The following SLC25A26 variants were observed in gnomAD, a reference collection of about 807,000 sequenced individuals.
The protein encoded by SLC25A26 is mitochondrial S-adenosylmethionine carrier protein.
In SLC25A26, 36 loss-of-function variants were observed where a neutral mutation model predicts 37.8. The ratio of observed to expected loss-of-function variants is 0.95; its 90% CI spans 0.73 to 1.26. The LOEUF (loss-of-function observed/expected upper bound fraction) is 1.26, where lower values mean the gene tolerates loss of function less well. Among genes scored for constraint, SLC25A26 ranks in the 50% most tolerant of loss-of-function variants. The pLI is 0.00. For missense variants in SLC25A26, 390 were observed against 331.1 expected, an observed-to-expected ratio of 1.18 and a Z score of -1.38; for synonymous variants, 129 against 122.5, an observed-to-expected ratio of 1.05 and a Z score of -0.35.
At chr3:66,242,739 A>T (rs1032385809) in intron 2 of SLC25A26, among the ~76,000 whole-genome samples, 1 of 152,228 alleles carries the variant, frequency 6.6e-6, no homozygotes, top group African/African-American at 2.4e-5. Context: ...AGTAAAAAAT[A>T]GCCATGATTA....
At chr3:66,311,458 TTTG>T (rs1181168106) in intron 5 of SLC25A26, among the ~76,000 whole-genome samples, 1 of 151,856 alleles carries the variant, frequency 6.6e-6, no homozygotes, top group Non-Finnish European at 1.5e-5. Flanking sequence ...CTCCGAGGAG[TTTG>T]TTATTACCCA....
chr3:66,226,017 A>T (rs2071730005), intron 1 of SLC25A26, among the ~76,000 whole-genome samples: 1 of 151,882 alleles, frequency 6.6e-6, no homozygotes, highest in African/African-American at 2.4e-5. Context: ...AACTGTTCCA[A>T]CCCCTGCTTG....
At chr3:66,240,536 C>G (rs2072524152) in intron 2 of SLC25A26, among the ~76,000 whole-genome samples, 1 of 152,026 alleles carries the variant, frequency 6.6e-6, no homozygotes, top group Admixed American at 6.5e-5. Context: ...CTCAGCCTCC[C>G]AAAGTGCTGG....
intron 5 of SLC25A26, among the ~76,000 whole-genome samples, chr3:66,311,704 T>G (rs1405213933): frequency 2.0e-5 from 3 of 152,120 alleles, no homozygotes; most frequent in African/African-American, 7.2e-5. Context: ...TTTGTTGATG[T>G]TATTGCTTTA....
At chr3:66,333,600 T>A (rs1448121300) in intron 5 of SLC25A26, among the ~76,000 whole-genome samples, 1 of 152,240 alleles carries the variant, frequency 6.6e-6, no homozygotes, top group African/African-American at 2.4e-5. Context: ...CCTGTCTTTC[T>A]GGATGCTCAG....
intron 5 of SLC25A26, among the ~76,000 whole-genome samples, chr3:66,339,447 C>CTTTTTTCTACCACTT: frequency 6.6e-6 from 1 of 151,906 alleles, no homozygotes; most frequent in Non-Finnish European, 1.5e-5. Flanking sequence ...TGAAGAAGAG[C>CTTTTTTCTACCACTT]CATACTGTTT....
chr3:66,285,413 C>T (rs774140236), intron 5 of SLC25A26, among the ~76,000 whole-genome samples: 67 of 146,114 alleles, frequency 4.6e-4, no homozygotes, highest in Admixed American at 1.3e-3. Context: ...TGTCATCTTA[C>T]TTTTACATAA....
intron 1 of SLC25A26, among the ~76,000 whole-genome samples, chr3:66,137,555 C>G (rs990375054): frequency 2.0e-5 from 3 of 151,956 alleles, no homozygotes; most frequent in Non-Finnish European, 2.9e-5. Flanking sequence ...ACATCCCAAC[C>G]TGCAGAACTG....
chr3:66,155,465 G>C (rs1252814649), intron 1 of SLC25A26, among the ~76,000 whole-genome samples: 1 of 152,176 alleles, frequency 6.6e-6, no homozygotes, highest in Non-Finnish European at 1.5e-5. Context: ...GTGAGCCACT[G>C]TGATTGTGCC....
chr3:66,306,745 G>A (rs2075235227), intron 5 of SLC25A26, among the ~76,000 whole-genome samples: 1 of 152,168 alleles, frequency 6.6e-6, no homozygotes, highest in Admixed American at 6.5e-5. Flanking sequence ...TTATGAGCAA[G>A]AACATATGGT....
chr3:66,339,231 G>T (rs571129477), intron 5 of SLC25A26, among the ~76,000 whole-genome samples: 1 of 152,054 alleles, frequency 6.6e-6, no homozygotes, highest in African/African-American at 2.4e-5. Flanking sequence ...CCTTTGTGAA[G>T]TGCTTCTTCA....
chr3:66,156,713 C>T (rs1301432500), intron 1 of SLC25A26, among the ~76,000 whole-genome samples: 2 of 152,030 alleles, frequency 1.3e-5, no homozygotes, highest in African/African-American at 4.8e-5. Context: ...TTTTTGGAAC[C>T]TATCAAAAAA....
intron 2 of SLC25A26, among the ~76,000 whole-genome samples, chr3:66,241,969 ATTC>A (rs547087455): frequency 5.1e-4 from 77 of 151,836 alleles, no homozygotes; most frequent in African/African-American, 1.8e-3. Flanking sequence ...CCCAGCCCCT[ATTC>A]TTTGCTTTAA....
intron 5 of SLC25A26, among the ~76,000 whole-genome samples, chr3:66,280,528 A>C (rs921631506): frequency 3.3e-5 from 5 of 152,190 alleles, no homozygotes; most frequent in African/African-American, 1.2e-4. Context: ...ATAAAGCACG[A>C]AACACTGTTA....
intron 1 of SLC25A26, among the ~76,000 whole-genome samples, chr3:66,149,926 C>A (rs924539473): frequency 7.2e-5 from 11 of 152,080 alleles, no homozygotes; most frequent in African/African-American, 1.7e-4. Flanking sequence ...AGTAATTTAT[C>A]CAAGGTCATA....
chr3:66,315,293 C>G (rs1178345875), intron 5 of SLC25A26, among the ~76,000 whole-genome samples: 2 of 152,050 alleles, frequency 1.3e-5, no homozygotes, highest in Admixed American at 6.6e-5. Flanking sequence ...TGCTGCAAAT[C>G]TGTGTCCCAG....
chr3:66,208,766 G>A, intron 1 of SLC25A26, among the ~76,000 whole-genome samples: 1 of 110,228 alleles, frequency 9.1e-6, no homozygotes, highest in South Asian at 3.4e-4. Context: ...ATTTATATGG[G>A]TGTATATATA....
intron 1 of SLC25A26, among the ~76,000 whole-genome samples, chr3:66,215,082 G>A (rs1040264994): frequency 6.6e-5 from 10 of 152,184 alleles, no homozygotes; most frequent in Admixed American, 3.9e-4. Context: ...CCTAGAGAGC[G>A]CCACTACATT....
intron 3 of SLC25A26, among the ~76,000 whole-genome samples, chr3:66,252,465 G>C (rs2073122330): frequency 6.6e-6 from 1 of 152,136 alleles, no homozygotes; most frequent in Non-Finnish European, 1.5e-5. Context: ...ACACAGATCG[G>C]GGTCAGATTT....
Sources: gnomAD v4.1 joint callset for allele counts (sites outside exome capture counted in the v4.1 genomes callset) on GRCh38, gnomAD v4.1.1 for gene constraint, MANE v1.5 for transcripts, NCBI Gene and HGNC (gene_info 2026-07-23, HGNC 2026-07-21) for gene names.